Variants in ZNF746 observed in about 807,000 individuals in gnomAD.
ZNF746 encodes parkin-interacting substrate.
Under a neutral mutation model 41.0 loss-of-function variants are expected in ZNF746, and 13 were observed. That is an observed-to-expected ratio of 0.32 (90% confidence interval 0.21 to 0.50). The LOEUF is 0.50. Ranked by LOEUF, ZNF746 falls within the 20% of genes least tolerant of loss-of-function variation. The probability of loss-of-function intolerance (pLI) is 0.98; values close to 1 mark genes in which losing one functional copy is unlikely to be tolerated. For missense variants in ZNF746, 811 were observed against 922.9 expected, an observed-to-expected ratio of 0.88 and a Z score of 1.57; for synonymous variants, 424 against 396.2, an observed-to-expected ratio of 1.07 and a Z score of -0.83.
At position 149,480,552 on chromosome 7, in the gene ZNF746, C is replaced by CG. The variant is rs1242078692; in HGVS notation, c.566-2798_566-2797insC. ...GGTTCAAGCAATTCTCCTGCCTCAG[C>CG]CTCCCCAGTAGCACTGGGACTACAG... On this transcript the variant is annotated intron_variant, in intron 4 of 6. Transcript: ENST00000458143. Among the ~76,000 whole-genome samples, 270 of 152,216 alleles carry CG rather than the reference C, an allele frequency of 1.8e-3. 1 individual carries two copies. The highest frequency in any genetic ancestry group is 6.2e-3 in the African/African-American group (257 of 41,510).
Position 149,474,573 on chromosome 7 carries a change from G to A in ZNF746, c.1794C>T (p.Arg598=). Reference sequence around the variant, plus strand: ...CCGCTGCATGGTTGCGCTGGTGCTTGCGGAGGTGGTCCTTGCGGATGAAGC... The same window carrying A: ...CCGCTGCATGGTTGCGCTGGTGCTTACGGAGGTGGTCCTTGCGGATGAAGC... ...GKSFIRKDHL[R]KHQRNHAAGA... is the part of the protein sequence containing the mutation. The change falls in exon 7 of 7, where the codon CGC becomes CGT. Residue 598 remains arginine (R), a synonymous_variant. Coordinates refer to ENST00000458143, the MANE Select transcript of ZNF746 (RefSeq NM_001394198.1). The surrounding 1 kb of genome is among the most constrained non-coding windows in gnomAD (Gnocchi z 6.3). The A allele has an allele frequency of 1.9e-6, 3 of 1,611,758 alleles. No individual in the cohort carries two copies. The highest frequency in any genetic ancestry group is 2.5e-6 in the Non-Finnish European group (3 of 1,178,832).
chr7:149,473,776 T>C lies in ZNF746; in HGVS notation c.*608A>G, dbSNP rs1337482107. ...TAGAGAAAAGTTGGGGCCAGCACTT[T>C]TGGGGGGCCTTTTCAGGAGAGGCAA... On this transcript the variant is annotated 3_prime_UTR_variant, in exon 7 of 7. Coordinates refer to ENST00000458143, the MANE Select transcript of ZNF746 (RefSeq NM_001394198.1). 1 of 156,630 alleles carries C rather than the reference T, an allele frequency of 6.4e-6. No individual in the cohort carries two copies. The highest frequency in any genetic ancestry group is 2.4e-5 in the African/African-American group (1 of 41,476). 9.7% of individuals were successfully genotyped at this position (156,630 alleles called of 1,614,324 possible). A position where few individuals can be genotyped will look rare whatever the true frequency, so the allele number is the denominator to read the frequency against.
chr7:149,478,601 CA>C (rs993738900), intron 4 of ZNF746, among the ~76,000 whole-genome samples: 7 of 152,266 alleles, frequency 4.6e-5, no homozygotes, highest in African/African-American at 7.2e-5. Context: ...ATGCAGTCCA[CA>C]GGGGGCTCCT....
rs1256396301 is a variant in ZNF746 at position 149,497,647 on chromosome 7, C to G, written c.-111G>C. 7.1e-6 allele frequency: 6 copies of G among 843,164 alleles called. No homozygotes were observed. The South Asian group carries it at 2.6e-4, about 37-fold the overall frequency. 52.2% of individuals were successfully genotyped at this position (843,164 alleles called of 1,614,324 possible). A position where few individuals can be genotyped will look rare whatever the true frequency, so the allele number is the denominator to read the frequency against. The stretch of plus-strand genomic sequence containing the variant: ...TCTCCGCAGGCGGCGCCTGCCTGGC[C>G]TTTCCTCTGCCGCCGCTCCTCGCTG... On this transcript the variant is annotated 5_prime_UTR_variant, in exon 1 of 7. Coordinates refer to ENST00000458143, the MANE Select transcript of ZNF746 (RefSeq NM_001394198.1). This position sits in a 1 kb window ranked among gnomAD's most constrained non-coding sequence, Gnocchi z 4.2.
In ZNF746 at chr7:149,492,937, T is replaced by C. The variant is rs1477933297; in HGVS notation, c.487A>G (p.Ile163Val). Residue 163 changes from isoleucine (I) to valine (V), a missense_variant, in exon 4 of 7, where the codon ATT becomes GTT. Ile to Val is a conservative substitution (Grantham distance 29, BLOSUM62 3). This residue lies in a region of ZNF746 where 147 missense variants were observed against 233.4 expected (regional missense o/e 0.63). Transcript: ENST00000458143. ...AISKPEVLSQ[I>V]EQGKEPCNWR... ...TTGCAGGGCTCCTTCCCTTGTTCAA[T>C]CTGGGAGAGGACCTCGGGCTTGGAG... 1 of 1,613,912 alleles carries C rather than the reference T, an allele frequency of 6.2e-7. No individual in the cohort carries two copies. The highest frequency in any genetic ancestry group is 1.7e-5 in the Admixed American group (1 of 59,994).
chr7:149,491,107 C>T (rs1301149315), intron 4 of ZNF746: 2 of 153,006 alleles, frequency 1.3e-5, no homozygotes, highest in Non-Finnish European at 2.9e-5. Context: ...GGGGATGGGT[C>T]AGGCCAAATG....
At chr7:149,483,050 CTT>C in intron 4 of ZNF746, among the ~76,000 whole-genome samples, 1 of 152,256 alleles carries the variant, frequency 6.6e-6, no homozygotes, top group East Asian at 1.9e-4. Flanking sequence ...ATAAAACAGA[CTT>C]CAGCAAAATT....
At position 149,494,965 on chromosome 7, in the gene ZNF746, G is replaced by T. The variant is rs1800947888; in HGVS notation, c.25-462C>A. 6.6e-6 allele frequency among the ~76,000 whole-genome samples: 1 copy of T among 151,798 alleles called. No homozygotes were observed. The highest frequency in any genetic ancestry group is 1.5e-5 in the Non-Finnish European group (1 of 67,976). On this transcript the variant is annotated intron_variant, in intron 1 of 6. Transcript: ENST00000458143. This position sits in a 1 kb window ranked among gnomAD's most constrained non-coding sequence, Gnocchi z 5.6. ...TGCACCTCCCCTCATGATTACACAG[G>T]AACTGTCTACTGATGATGACCCAGC...
At position 149,497,128 on chromosome 7, in the gene ZNF746, C is replaced by G; in HGVS notation, c.24+385G>C. On this transcript the variant is annotated intron_variant, in intron 1 of 6. Transcript: ENST00000458143. This position sits in a 1 kb window ranked among gnomAD's most constrained non-coding sequence, Gnocchi z 4.2. ...AAGCCGGACACCTCCCAGGTGCCAC[C>G]AGGCCGCTGCGGGGGAGATGGAGAG... is the stretch of plus-strand genomic sequence containing the variant. The G allele has an allele frequency of 3.0e-6, 3 of 985,328 alleles. No individual in the cohort carries two copies. The highest frequency in any genetic ancestry group is 9.4e-5 in the South Asian group (2 of 21,282). The allele number at this position is 985,328 out of a possible 1,614,324, so 61.0% of individuals were successfully genotyped here.
At chr7:149,493,889 G>T in intron 3 of ZNF746, 100 bp downstream of exon 3, 1 of 1,581,750 alleles carries the variant, frequency 6.3e-7, no homozygotes, top group South Asian at 1.1e-5. Context: ...CAATGTTTCT[G>T]GTGATTTATA....
intron 4 of ZNF746, 139 bp downstream of exon 4, chr7:149,492,720 T>C (rs1258949932): frequency 1.5e-6 from 1 of 676,484 alleles, no homozygotes; most frequent in East Asian, 2.8e-5. Context: ...AACTCAACTA[T>C]AAAAAACTCA....
Position 149,474,567 on chromosome 7 carries a change from G to A in ZNF746, c.1800C>T (p.His600=), listed in dbSNP as rs141341829. The change falls in exon 7 of 7, where the codon CAC becomes CAT. Residue 600 remains histidine, a synonymous_variant. Transcript: ENST00000458143. This position sits in a 1 kb window ranked among gnomAD's most constrained non-coding sequence, Gnocchi z 6.3. ...TGGCGCCCGCTGCATGGTTGCGCTG[G>A]TGCTTGCGGAGGTGGTCCTTGCGGA... ...SFIRKDHLRK[H]QRNHAAGAKT... The A allele has an allele frequency of 5.6e-6, 9 of 1,611,282 alleles. No individual in the cohort carries two copies. The highest frequency in any genetic ancestry group is 7.6e-6 in the Non-Finnish European group (9 of 1,178,708).
intron 4 of ZNF746, among the ~76,000 whole-genome samples, chr7:149,480,942 A>G (rs1344847670): frequency 2.0e-5 from 3 of 152,246 alleles, no homozygotes; most frequent in Non-Finnish European, 4.4e-5. Context: ...GGCAAGGCAA[A>G]ATTCAAAGAG....
At chr7:149,493,845 ATCCT>A in intron 3 of ZNF746, 140 bp downstream of exon 3, 2 of 1,367,278 alleles carry the variant, frequency 1.5e-6, no homozygotes, top group Non-Finnish European at 2.0e-6. Context: ...CCCAGGGCTC[ATCCT>A]TCACAAAAGG....
intron 5 of ZNF746, 58 bp from the exon 6 acceptor site, chr7:149,477,105 A>G (rs1266593376): frequency 5.2e-6 from 8 of 1,545,684 alleles, no homozygotes; most frequent in Non-Finnish European, 6.1e-6. Flanking sequence ...AGGACAGAAG[A>G]CTGTTGGGGA....
Position 149,475,450 on chromosome 7 carries a change from T to G in ZNF746, c.917A>C (p.Gln306Pro). 1 of 1,613,356 alleles carries G rather than the reference T, an allele frequency of 6.2e-7. No individual in the cohort carries two copies. Among genetic ancestry groups the G allele is most frequent in the Non-Finnish European group, 8.5e-7 (1 of 1,179,504 alleles). ...GGGTGTGGCCACCACCTCCTCTTCCTGGACTTCTGTTTTTATTACAATTTT... is the reference window on the plus strand; with the variant it reads ...GGGTGTGGCCACCACCTCCTCTTCCGGGACTTCTGTTTTTATTACAATTTT... Reference protein sequence around the residue: ...DVKIVIKTEVQEEEVVATPVH... With the variant: ...DVKIVIKTEVPEEEVVATPVH... The change falls in exon 7 of 7, where the codon CAG becomes CCG. Residue 306 changes from glutamine (Q) to proline (P), a missense_variant. Coordinates refer to ENST00000458143, the MANE Select transcript of ZNF746 (RefSeq NM_001394198.1).
rs760263621 is a variant in ZNF746 at position 149,493,004 on chromosome 7, C to T, written c.452-32G>A. The T allele has an allele frequency of 2.0e-4, 303 of 1,492,992 alleles. 2 individuals are homozygous for T. Among genetic ancestry groups the T allele is most frequent in the Non-Finnish European group, 2.3e-4 (248 of 1,073,850 alleles). The allele number at this position is 1,492,992 out of a possible 1,614,324, so 92.5% of individuals were successfully genotyped here. ...AAAGACAGAAGGTTAGTTTTTGCCA[C>T]GTTCCAGTCAAAGCTGGGGACAGTC... On this transcript the variant is annotated intron_variant, in intron 3 of 6. Coordinates refer to ENST00000458143, the MANE Select transcript of ZNF746 (RefSeq NM_001394198.1).
chr7:149,485,534 A>G (rs190481571), intron 4 of ZNF746, among the ~76,000 whole-genome samples: 1 of 152,248 alleles, frequency 6.6e-6, no homozygotes, highest in Non-Finnish European at 1.5e-5. Flanking sequence ...TTTAGTAGGA[A>G]ATATGAGAAG....
At chr7:149,479,026 C>A (rs870970) in intron 4 of ZNF746, among the ~76,000 whole-genome samples, 100,633 of 152,020 alleles carry the variant, frequency 0.66, 33,693 homozygotes, top group East Asian at 0.8. Flanking sequence ...GTTAAGAGAC[C>A]TGGAGGACAG....
Sources: gnomAD v4.1 joint callset for allele counts (sites outside exome capture counted in the v4.1 genomes callset) on GRCh38, gnomAD v4.1.1 for gene constraint, gnomAD v4.1.1 regional missense constraint, Gnocchi (gnomAD v3.1) non-coding constraint, MANE v1.5 for transcripts, NCBI Gene and HGNC (gene_info 2026-07-23, HGNC 2026-07-21) for gene names.